ANKRD29: variants seen among roughly 807,000 people sequenced by gnomAD.
ANKRD29 encodes the protein ankyrin repeat domain-containing protein 29.
Under a neutral mutation model 38.0 loss-of-function variants are expected in ANKRD29, and 32 were observed. That is an observed-to-expected ratio of 0.84 (90% CI 0.64 to 1.13). The LOEUF (loss-of-function observed/expected upper bound fraction) is 1.13. ANKRD29 is among the 50% of genes most tolerant of loss of function. The probability of loss-of-function intolerance (pLI) is 0.00; values close to 1 mark genes in which losing one functional copy is unlikely to be tolerated. For missense variants in ANKRD29, 357 were observed against 377.9 expected (o/e 0.94, Z 0.46); for synonymous variants, 135 against 152.4 (o/e 0.89, Z 0.84).
chr18:23,630,140 T>C (rs182797423), intron 5 of ANKRD29, among the ~76,000 whole-genome samples, 189 bp from the exon 6 acceptor site: 12 of 151,806 alleles, frequency 7.9e-5, no homozygotes, highest in Admixed American at 7.9e-4. Context: ...AACACAAAAA[T>C]TAGGCTGGGC....
rs1157167132 is a variant in ANKRD29, at chr18:23,619,488, G to T, written c.627+43C>A. 3.3e-6 allele frequency: 5 copies of T among 1,523,632 alleles called. No individual in the cohort carries two copies. In the African/African-American group the frequency reaches 6.9e-5, roughly 21 times the overall value. The allele number at this position is 1,523,632 out of a possible 1,614,324, so 94.4% of individuals were successfully genotyped here. The stretch of plus-strand genomic sequence containing the variant: ...AGACCCGTTTTCTCCACACAGGCGC[G>T]CCGGGAGGCTTCGCTCTTTGGCCGC... On this transcript the variant is annotated intron_variant, in intron 7 of 9. Coordinates refer to ENST00000592179, the MANE Select transcript of ANKRD29 (RefSeq NM_173505.4).
intron 9 of ANKRD29, among the ~76,000 whole-genome samples, chr18:23,604,656 G>A (rs1454342767): frequency 1.3e-5 from 2 of 151,768 alleles, no homozygotes; most frequent in African/African-American, 2.4e-5. Flanking sequence ...TCAGCCTCCC[G>A]AGTAGCTGGG....
At chr18:23,632,533 G>GTGTATATATA (rs371646966) in intron 5 of ANKRD29, among the ~76,000 whole-genome samples, 1 of 130,904 alleles carries the variant, frequency 7.6e-6, no homozygotes, top group Non-Finnish European at 1.5e-5. Context: ...GTGTGTGTGT[G>GTGTATATATA]TATATATATA....
intron 2 of ANKRD29, 116 bp downstream of exon 2, chr18:23,648,967 A>G: frequency 1.2e-6 from 1 of 863,536 alleles, no homozygotes; most frequent in Non-Finnish European, 1.8e-6. Context: ...GGATAAAGCA[A>G]GCAAACACAT....
At chr18:23,655,169 C>A (rs796891581) in intron 1 of ANKRD29, among the ~76,000 whole-genome samples, 3 of 122,884 alleles carry the variant, frequency 2.4e-5, no homozygotes, top group South Asian at 3.1e-4. Flanking sequence ...AATTTTAAGC[C>A]CCCCCACTGA....
At chr18:23,604,223 C>G (rs1306977378) in intron 9 of ANKRD29, among the ~76,000 whole-genome samples, 1 of 152,180 alleles carries the variant, frequency 6.6e-6, no homozygotes, top group Non-Finnish European at 1.5e-5. Context: ...ACTGAAAATC[C>G]TGACCATAGG....
chr18:23,625,241 C>T (rs2059848693), intron 6 of ANKRD29, among the ~76,000 whole-genome samples: 1 of 152,090 alleles, frequency 6.6e-6, no homozygotes, highest in African/African-American at 2.4e-5. Context: ...GTGCCTGGCC[C>T]AGCAAATGGG....
chr18:23,623,636 A>G (rs2059823038), intron 6 of ANKRD29, among the ~76,000 whole-genome samples: 1 of 151,542 alleles, frequency 6.6e-6, no homozygotes, highest in Non-Finnish European at 1.5e-5. Flanking sequence ...AAAAAGAACA[A>G]TGATTTCATA....
At chr18:23,618,088 G>T (rs750273154) in intron 7 of ANKRD29, among the ~76,000 whole-genome samples, 2 of 152,338 alleles carry the variant, frequency 1.3e-5, no homozygotes, top group African/African-American at 2.4e-5. Context: ...CAGTTCCTGA[G>T]AACACTGGGC....
chr18:23,638,037 G>A (rs1242943117), intron 4 of ANKRD29, among the ~76,000 whole-genome samples: 5 of 116,336 alleles, frequency 4.3e-5, no homozygotes, highest in South Asian at 2.7e-4. Context: ...TCACTCTGTC[G>A]CCCAGGCTGG....
Position 23,599,667 on chromosome 18 carries a change from C to CA in ANKRD29, c.*1558dup, listed in dbSNP as rs1365862113. The stretch of plus-strand genomic sequence containing the variant: ...TGTTTATATCTGGATGTTTTAGCAA[C>CA]AGAGAGCTTTCTAATATTTTATCCT... On this transcript the variant is annotated 3_prime_UTR_variant, in exon 10 of 10. Coordinates refer to ENST00000592179, the MANE Select transcript of ANKRD29 (RefSeq NM_173505.4). The CA allele has an allele frequency of 2.0e-5, 3 of 152,200 alleles. No individual in the cohort carries two copies. Among genetic ancestry groups the CA allele is most frequent in the Admixed American group, 6.5e-5 (1 of 15,276 alleles). The allele number at this position is 152,200 out of a possible 1,614,324, so 9.4% of individuals were successfully genotyped here. A position where few individuals can be genotyped will look rare whatever the true frequency, so the allele number is the denominator to read the frequency against.
intron 1 of ANKRD29, 143 bp downstream of exon 1, chr18:23,662,567 G>T: frequency 1.2e-6 from 1 of 807,436 alleles, no homozygotes; most frequent in Non-Finnish European, 1.7e-6. Context: ...GGCCTCGCCC[G>T]CAGCTGGAGG....
Position 23,600,910 on chromosome 18 carries a change from T to C in ANKRD29, c.*316A>G, listed in dbSNP as rs756569341. The C allele has an allele frequency of 2.3e-5, 5 of 216,674 alleles. No homozygotes were observed. The highest frequency in any genetic ancestry group is 4.6e-5 in the Non-Finnish European group (5 of 108,158). The allele number at this position is 216,674 out of a possible 1,614,324, so 13.4% of individuals were successfully genotyped here. ...TTAGTACTGAGAACCCTGTCCACCT[T>C]AGAGTTTAACTGACAGGTCCAAGTT... is the stretch of plus-strand genomic sequence containing the variant. On this transcript the variant is annotated 3_prime_UTR_variant, in exon 10 of 10. Transcript: ENST00000592179.
In ANKRD29 at chr18:23,652,641, C is replaced by T. The variant is rs1598538573; in HGVS notation, c.22-3448G>A. Among the ~76,000 whole-genome samples the T allele has an allele frequency of 4.6e-5, 7 of 152,298 alleles. No individual in the cohort carries two copies. The Middle Eastern group carries it at 0.024, about 518-fold the overall frequency. The stretch of plus-strand genomic sequence containing the variant: ...GCGAGAGATGGGGCCAGTCCTCTAG[C>T]CTTTAAAGGAGACAGTGCACGTGAA... On this transcript the variant is annotated intron_variant, in intron 1 of 9. Coordinates refer to ENST00000592179, the MANE Select transcript of ANKRD29 (RefSeq NM_173505.4).
chr18:23,606,620 C>A (rs1288681569), intron 9 of ANKRD29, among the ~76,000 whole-genome samples: 1 of 152,126 alleles, frequency 6.6e-6, no homozygotes. Flanking sequence ...CTTGTTTTGA[C>A]TTCTTAGACC....
intron 4 of ANKRD29, among the ~76,000 whole-genome samples, chr18:23,636,900 T>G (rs1048534119): frequency 6.6e-6 from 1 of 152,164 alleles, no homozygotes; most frequent in African/African-American, 2.4e-5. Flanking sequence ...TTGGGGCATA[T>G]AGATTTAGTA....
chr18:23,636,124 C>G (rs996485512), intron 4 of ANKRD29, among the ~76,000 whole-genome samples: 2 of 152,008 alleles, frequency 1.3e-5, no homozygotes. Flanking sequence ...TATGGAGGAA[C>G]TGCTGTTATT....
chr18:23,650,638 C>T (rs1247970244), intron 1 of ANKRD29, among the ~76,000 whole-genome samples: 1 of 152,148 alleles, frequency 6.6e-6, no homozygotes. Flanking sequence ...ACAGCTCACC[C>T]CAGCCCTGCA....
chr18:23,605,060 A>C (rs1362260328), intron 9 of ANKRD29, among the ~76,000 whole-genome samples: 1 of 151,884 alleles, frequency 6.6e-6, no homozygotes, highest in Non-Finnish European at 1.5e-5. Context: ...AGTTGGGATT[A>C]CAGGCGCCCA....
Sources: allele counts gnomAD v4.1 joint callset (sites outside exome capture counted in the v4.1 genomes callset), GRCh38; gene constraint gnomAD v4.1.1; transcripts MANE v1.5; gene names NCBI Gene and HGNC (gene_info 2026-07-23, HGNC 2026-07-21).